Variants in PDCD11 observed in about 807,000 individuals in gnomAD.
PDCD11 encodes programmed cell death 11, also known as protein RRP5 homolog.
In PDCD11, 97 loss-of-function variants were observed where a neutral mutation model predicts 198.9. The ratio of observed to expected loss-of-function variants is 0.49; its 90% confidence interval spans 0.41 to 0.58. The LOEUF (loss-of-function observed/expected upper bound fraction) is 0.58. Among genes scored for constraint, PDCD11 ranks in the 20% least tolerant of loss-of-function variants. PDCD11 has a pLI of 0.00. For missense variants in PDCD11, 2,102 were observed against 2,312.7 expected, an observed-to-expected ratio of 0.91 and a Z score of 1.87; for synonymous variants, 893 against 918.0, an observed-to-expected ratio of 0.97 and a Z score of 0.49.
chr10:103,441,669 C>T (rs1328446677), intron 30 of PDCD11, among the ~76,000 whole-genome samples, 157 bp from the exon 31 acceptor site: 1 of 152,172 alleles, frequency 6.6e-6, no homozygotes, highest in African/African-American at 2.4e-5. Flanking sequence ...AAAGTTTCCC[C>T]AGTGGGCTGG....
At chr10:103,442,524 C>G (rs1212325794) in intron 32 of PDCD11, 64 bp downstream of exon 32, 1 of 1,564,280 alleles carries the variant, frequency 6.4e-7, no homozygotes, top group Non-Finnish European at 8.7e-7. Context: ...GTTTCTCAAC[C>G]TGTGGGGTAG....
intron 7 of PDCD11, among the ~76,000 whole-genome samples, chr10:103,408,541 A>G (rs192501087): frequency 4.6e-5 from 7 of 151,702 alleles, no homozygotes; most frequent in African/African-American, 1.4e-4. Context: ...TTTTATAATT[A>G]TTTATTTATT....
chr10:103,417,800 G>C lies in PDCD11; in HGVS notation c.1779G>C (p.Lys593Asn). Residue 593 changes from lysine (K) to asparagine (N), a missense_variant, in exon 14 of 36, where the codon AAG becomes AAC. By Grantham distance (94) the Lys-to-Asn change is moderately conservative. Transcript: ENST00000369797. ...ERVFYTGQVV[K>N]VVVLNCEPSK... Reference sequence around the variant, plus strand: ...GTGTGGTTTCTTGCCAGGTGGTGAAGGTTGTCGTATTGAACTGTGAGCCAT... The same window carrying C: ...GTGTGGTTTCTTGCCAGGTGGTGAACGTTGTCGTATTGAACTGTGAGCCAT... 1 of 1,613,752 alleles carries C rather than the reference G, an allele frequency of 6.2e-7. No individual in the cohort carries two copies. Among genetic ancestry groups the C allele is most frequent in the South Asian group, 1.1e-5 (1 of 91,064 alleles).
At chr10:103,421,253 TC>T in intron 16 of PDCD11, 94 bp from the exon 17 acceptor site, 1 of 923,758 alleles carries the variant, frequency 1.1e-6, no homozygotes, top group Non-Finnish European at 1.7e-6. Context: ...AGGCCCCATT[TC>T]CCCCTACTCA....
chr10:103,401,570 G>A (rs1307974355), intron 3 of PDCD11, among the ~76,000 whole-genome samples: 1 of 151,688 alleles, frequency 6.6e-6, no homozygotes, highest in African/African-American at 2.4e-5. Context: ...CGGCCAGCCT[G>A]CCTTACATTT....
In PDCD11 at chr10:103,445,945, A is replaced by G; in HGVS notation, c.*396A>G. 5.4e-6 allele frequency: 1 copy of G among 185,484 alleles called. No individual in the cohort carries two copies. The highest frequency in any genetic ancestry group is 1.3e-4 in the East Asian group (1 of 7,626). 11.5% of individuals were successfully genotyped at this position (185,484 alleles called of 1,614,324 possible). On this transcript the variant is annotated 3_prime_UTR_variant, in exon 36 of 36. Transcript: ENST00000369797. ...GCTGTCAGTCCAGCTGGAGGGGGTCAGTAGGCTCCAGGGAGTGGGCCCTCC... is the reference window on the plus strand; with the variant it reads ...GCTGTCAGTCCAGCTGGAGGGGGTCGGTAGGCTCCAGGGAGTGGGCCCTCC...
In PDCD11 at chr10:103,440,576, G is replaced by C. The variant is rs770959118; in HGVS notation, c.4435G>C (p.Glu1479Gln). The C allele has an allele frequency of 6.2e-7, 1 of 1,610,872 alleles. No homozygotes were observed. Among genetic ancestry groups the C allele is most frequent in the East Asian group, 2.2e-5 (1 of 44,874 alleles). ...GCGGGAGTGCCGGGAGTCTGGGAGT[G>C]AGCAGGTGAGGTCCTGCGGAGGGCT... ...GGRECRESGS[E>Q]QERVSKKPKK... The change falls in exon 29 of 36, where the codon GAG becomes CAG. Residue 1479 changes from glutamate to glutamine, a missense_variant. Physicochemically the swap from Glu to Gln is conservative, Grantham distance 29. Transcript: ENST00000369797.
At chr10:103,413,487 A>G (rs2030927607) in intron 9 of PDCD11, among the ~76,000 whole-genome samples, 165 bp downstream of exon 9, 1 of 152,172 alleles carries the variant, frequency 6.6e-6, no homozygotes, top group Admixed American at 6.5e-5. Context: ...TATTGACTGT[A>G]TTAGGATGCC....
Position 103,416,550 on chromosome 10 carries a change from T to C in PDCD11, c.1578T>C (p.Ile526=). The C allele has an allele frequency of 6.2e-7, 1 of 1,614,178 alleles. No individual in the cohort carries two copies. Among genetic ancestry groups the C allele is most frequent in the Non-Finnish European group, 8.5e-7 (1 of 1,180,040 alleles). The change falls in exon 13 of 36, where the codon ATT becomes ATC. Residue 526 remains isoleucine, a synonymous_variant. Transcript: ENST00000369797. The part of the protein sequence containing the change: ...KLMMTLKKTL[I]ESKLPVITCY... ...TGATGACCCTGAAAAAAACCCTGATTGAGTCCAAACTACCTGTCATTACCT... is the reference window on the plus strand; with the variant it reads ...TGATGACCCTGAAAAAAACCCTGATCGAGTCCAAACTACCTGTCATTACCT...
chr10:103,418,912 G>C (rs1234958056), intron 15 of PDCD11, among the ~76,000 whole-genome samples: 2 of 152,100 alleles, frequency 1.3e-5, no homozygotes, highest in African/African-American at 4.8e-5. Flanking sequence ...AGCACATCTA[G>C]TTTTCTTGGG....
chr10:103,418,491 G>A lies in PDCD11; in HGVS notation c.1963G>A (p.Val655Ile). 6.2e-7 allele frequency: 1 copy of A among 1,614,202 alleles called. No individual in the cohort carries two copies. Residue 655 changes from valine (V) to isoleucine (I), a missense_variant, in exon 15 of 36, where the codon GTC becomes ATC. Physicochemically the swap from Val to Ile is conservative, Grantham distance 29. Transcript: ENST00000369797. ...EKTKDGLEVA[V>I]LPHNIRAFLP... ...GACCAAAGATGGGCTGGAGGTGGCT[G>A]TCCTGCCCCACAACATCCGTGCTTT... is the stretch of plus-strand genomic sequence containing the variant.
intron 8 of PDCD11, among the ~76,000 whole-genome samples, chr10:103,410,815 C>T (rs551778825): frequency 2.5e-4 from 38 of 151,584 alleles, no homozygotes; most frequent in African/African-American, 8.9e-4. Context: ...GTGGCTCACG[C>T]CTATAATCCC....
At chr10:103,402,183 A>G (rs936102547) in intron 3 of PDCD11, among the ~76,000 whole-genome samples, 40 of 152,198 alleles carry the variant, frequency 2.6e-4, no homozygotes, top group Non-Finnish European at 5.0e-4. Context: ...TAGACCTGGC[A>G]TGGTCACTCC....
intron 16 of PDCD11, among the ~76,000 whole-genome samples, chr10:103,420,844 T>C (rs1017571313): frequency 6.6e-6 from 1 of 151,776 alleles, no homozygotes. Context: ...TCCTGGAGGC[T>C]CTGTTTTTTT....
At chr10:103,407,821 C>T (rs1023154482) in intron 7 of PDCD11, among the ~76,000 whole-genome samples, 10 of 151,778 alleles carry the variant, frequency 6.6e-5, no homozygotes, top group African/African-American at 1.9e-4. Flanking sequence ...CGGATTCAAG[C>T]GATCCCCCTG....
chr10:103,406,114 G>T lies in PDCD11; in HGVS notation c.688+6G>T. 2 of 1,613,898 alleles carry T rather than the reference G, an allele frequency of 1.2e-6. No individual in the cohort carries two copies. The highest frequency in any genetic ancestry group is 2.2e-5 in the South Asian group (2 of 91,070). ...CATCAGACAGAAGAACAAAGGTGAG[G>T]GCAAGAAAAGGGGCCAGTACATGGT... is the stretch of plus-strand genomic sequence containing the variant. On this transcript the variant is annotated splice_donor_region_variant and intron_variant, in intron 6 of 35. Coordinates refer to ENST00000369797, the MANE Select transcript of PDCD11 (RefSeq NM_014976.2).
chr10:103,397,500 A>G (rs964800516), intron 1 of PDCD11, among the ~76,000 whole-genome samples: 2 of 152,138 alleles, frequency 1.3e-5, no homozygotes, highest in African/African-American at 4.8e-5. Context: ...CGGCGGCATG[A>G]TCTCAGCTCA....
intron 17 of PDCD11, among the ~76,000 whole-genome samples, chr10:103,421,769 C>A (rs2031443760): frequency 6.7e-6 from 1 of 150,306 alleles, no homozygotes; most frequent in African/African-American, 2.4e-5. Flanking sequence ...TCGAGACCAT[C>A]CTGGCTAACA....
At position 103,419,527 on chromosome 10, in the gene PDCD11, A is replaced by G; in HGVS notation, c.2107-11A>G. 6.2e-7 allele frequency: 1 copy of G among 1,611,068 alleles called. No individual in the cohort carries two copies. Among genetic ancestry groups the G allele is most frequent in the Non-Finnish European group, 8.5e-7 (1 of 1,178,544 alleles). ...CCCTTTCTGGAACATTCCTTGATGA[A>G]GTACCACTAGCTTCTTTGCAGGAAG... On this transcript the variant is annotated splice_polypyrimidine_tract_variant and intron_variant, in intron 15 of 35. Transcript: ENST00000369797.
Sources: gnomAD v4.1 joint callset for allele counts (sites outside exome capture counted in the v4.1 genomes callset) on GRCh38, gnomAD v4.1.1 for gene constraint, MANE v1.5 for transcripts, NCBI Gene and HGNC (gene_info 2026-07-23, HGNC 2026-07-21) for gene names.